The following ANTXR1 variants were observed in gnomAD, a reference collection of about 807,000 sequenced individuals.
The protein encoded by ANTXR1 is anthrax toxin receptor 1.
In ANTXR1, 19 loss-of-function variants were observed where a neutral mutation model predicts 78.1. The ratio of observed to expected loss-of-function variants is 0.24; its 90% confidence interval spans 0.17 to 0.36. The LOEUF (loss-of-function observed/expected upper bound fraction) is 0.36, where lower values mean the gene tolerates loss of function less well. Among genes scored for constraint, ANTXR1 ranks in the 10% least tolerant of loss-of-function variants. The probability of loss-of-function intolerance (pLI) is 1.00; values close to 1 mark genes in which losing one functional copy is unlikely to be tolerated. For synonymous variants in ANTXR1, 273 were observed against 260.5 expected (o/e 1.05, Z -0.46); for missense variants, 518 against 718.6 (o/e 0.72, Z 3.19).
intron 16 of ANTXR1, among the ~76,000 whole-genome samples, chr2:69,188,728 T>G (rs1431375568): frequency 6.6e-6 from 1 of 152,232 alleles, no homozygotes; most frequent in Non-Finnish European, 1.5e-5. Flanking sequence ...GACCAGTGTC[T>G]TAAGTGCATG....
intron 17 of ANTXR1, among the ~76,000 whole-genome samples, chr2:69,222,446 T>C (rs565722778): frequency 1.3e-5 from 2 of 152,220 alleles, no homozygotes; most frequent in Non-Finnish European, 2.9e-5. Flanking sequence ...GACAGAACTA[T>C]CATTGTCTCC....
At chr2:69,181,965 C>G in intron 15 of ANTXR1, 84 bp downstream of exon 15, 1 of 1,353,656 alleles carries the variant, frequency 7.4e-7, no homozygotes. Flanking sequence ...TGCTTAGCCT[C>G]TAGATATCAG....
intron 10 of ANTXR1, among the ~76,000 whole-genome samples, chr2:69,122,042 C>T (rs527978532): frequency 6.6e-6 from 1 of 152,346 alleles, no homozygotes; most frequent in Non-Finnish European, 1.5e-5. Context: ...TTCAGTTTTA[C>T]TCAAAAACCC....
intron 17 of ANTXR1, among the ~76,000 whole-genome samples, chr2:69,219,384 G>GACACACACACACAC (rs377200577): frequency 0.12 from 15,333 of 131,984 alleles, 1,180 homozygotes; most frequent in Non-Finnish European, 0.16. Context: ...CCAGAAGGAG[G>GACACACACACACAC]ACACACACAC....
At chr2:69,129,905 T>C (rs949800081) in intron 12 of ANTXR1, among the ~76,000 whole-genome samples, 13 of 152,056 alleles carry the variant, frequency 8.5e-5, no homozygotes, top group African/African-American at 3.1e-4. Context: ...ATTTGAAACG[T>C]AGTAATTACA....
At chr2:69,049,979 T>C (rs1232042494) in intron 3 of ANTXR1, among the ~76,000 whole-genome samples, 4 of 152,144 alleles carry the variant, frequency 2.6e-5, no homozygotes, top group Non-Finnish European at 5.9e-5. Flanking sequence ...TTGACCTGTC[T>C]GTAAAAATTT....
intron 17 of ANTXR1, among the ~76,000 whole-genome samples, chr2:69,196,367 A>G (rs918825654): frequency 6.6e-6 from 1 of 152,262 alleles, no homozygotes; most frequent in Non-Finnish European, 1.5e-5. Flanking sequence ...AATAAGATAC[A>G]TGAGAGAAAT....
At chr2:69,104,195 T>G (rs1008238171) in intron 10 of ANTXR1, among the ~76,000 whole-genome samples, 1 of 152,140 alleles carries the variant, frequency 6.6e-6, no homozygotes, top group Non-Finnish European at 1.5e-5. Context: ...CGCCTCGGCT[T>G]CCCAAAGTGC....
chr2:69,196,082 A>G (rs1674661693), intron 17 of ANTXR1, among the ~76,000 whole-genome samples: 1 of 152,248 alleles, frequency 6.6e-6, no homozygotes, highest in East Asian at 1.9e-4. Flanking sequence ...TGGAATGAAA[A>G]TAAATGGAAC....
chr2:69,071,133 A>G (rs1401953389), intron 4 of ANTXR1, among the ~76,000 whole-genome samples: 1 of 151,986 alleles, frequency 6.6e-6, no homozygotes, highest in African/African-American at 2.4e-5. Flanking sequence ...GTCATCTGTC[A>G]CTTAACAAGT....
intron 10 of ANTXR1, among the ~76,000 whole-genome samples, chr2:69,111,741 T>C (rs1671982475): frequency 6.6e-6 from 1 of 152,176 alleles, no homozygotes; most frequent in Non-Finnish European, 1.5e-5. Context: ...GGGCTCAACT[T>C]CCTAGGGGGA....
intron 13 of ANTXR1, among the ~76,000 whole-genome samples, chr2:69,170,032 A>T (rs922710914): frequency 6.6e-6 from 1 of 152,252 alleles, no homozygotes; most frequent in Non-Finnish European, 1.5e-5. Flanking sequence ...GAAGAGACGC[A>T]AATGAGACTG....
intron 8 of ANTXR1, chr2:69,090,599 G>A (rs1279854616): frequency 3.7e-6 from 2 of 541,610 alleles, no homozygotes; most frequent in African/African-American, 3.8e-5. Context: ...CATAGCATAG[G>A]CTCAGTAAAT....
In ANTXR1 at chr2:69,147,955, G is replaced by A. The variant is rs150913264; in HGVS notation, c.952-4214G>A. Reference sequence around the variant, plus strand: ...AAGTAAGTTAGCATTGGACACAGCCGTAAAAATGCAGGCGTTTCAAGAGTG... The same window carrying A: ...AAGTAAGTTAGCATTGGACACAGCCATAAAAATGCAGGCGTTTCAAGAGTG... On this transcript the variant is annotated intron_variant, in intron 12 of 17. Transcript: ENST00000303714. Among the ~76,000 whole-genome samples the A allele has an allele frequency of 2.0e-4, 30 of 152,304 alleles. No individual in the cohort carries two copies. In the East Asian group the frequency reaches 5.4e-3, roughly 27 times the overall value.
intron 1 of ANTXR1, among the ~76,000 whole-genome samples, chr2:69,035,420 G>A (rs111784584): frequency 3.3e-5 from 5 of 152,172 alleles, no homozygotes; most frequent in African/African-American, 1.2e-4. Flanking sequence ...CTGCATGTGT[G>A]GGTTAAGAAG....
chr2:69,132,782 C>T (rs570475272), intron 12 of ANTXR1, among the ~76,000 whole-genome samples: 1 of 152,206 alleles, frequency 6.6e-6, no homozygotes, highest in South Asian at 2.1e-4. Flanking sequence ...GCAAATGGAG[C>T]CAATGATATC....
chr2:69,223,283 C>A (rs1254647675), intron 17 of ANTXR1, among the ~76,000 whole-genome samples: 2 of 152,196 alleles, frequency 1.3e-5, no homozygotes, highest in Non-Finnish European at 2.9e-5. Flanking sequence ...TTACTCAGAG[C>A]CAATTTCTCT....
intron 14 of ANTXR1, among the ~76,000 whole-genome samples, chr2:69,170,881 C>T (rs1043256411): frequency 6.6e-6 from 1 of 152,224 alleles, no homozygotes; most frequent in East Asian, 1.9e-4. Flanking sequence ...CTGAATCGGC[C>T]AGTAAACTGT....
At chr2:69,152,060 T>A in intron 12 of ANTXR1, 109 bp from the exon 13 acceptor site, 1 of 1,107,666 alleles carries the variant, frequency 9.0e-7, no homozygotes, top group South Asian at 1.3e-5. Flanking sequence ...CTTGGCAAAC[T>A]GTGCTGCTCT....
Sources: allele counts gnomAD v4.1 joint callset (sites outside exome capture counted in the v4.1 genomes callset), GRCh38; gene constraint gnomAD v4.1.1; transcripts MANE v1.5; gene names NCBI Gene and HGNC (gene_info 2026-07-23, HGNC 2026-07-21).